Variants in GRID2 observed in about 807,000 individuals in gnomAD.
The protein encoded by GRID2 is glutamate receptor ionotropic, delta-2.
GRID2 carries 33 observed loss-of-function variants against 114.8 expected under a neutral mutation model. The ratio of observed to expected loss-of-function variants is 0.29; its 90% CI spans 0.22 to 0.38. GRID2 has a LOEUF of 0.38. Ranked by LOEUF, GRID2 falls within the 10% of genes least tolerant of loss-of-function variation. GRID2 has a pLI of 1.00. For missense variants in GRID2, 1,184 were observed against 1,257.7 expected, an observed-to-expected ratio of 0.94 and a Z score of 0.89; for synonymous variants, 505 against 449.9, an observed-to-expected ratio of 1.12 and a Z score of -1.55.
intron 3 of GRID2, among the ~76,000 whole-genome samples, chr4:93,093,736 C>T (rs1212027993): frequency 1.3e-5 from 2 of 151,926 alleles, no homozygotes; most frequent in Non-Finnish European, 2.9e-5. Context: ...AAGTCTGAGT[C>T]CCTCCCTTCC....
chr4:92,562,586 C>T (rs2149183469), intron 1 of GRID2, among the ~76,000 whole-genome samples: 1 of 152,124 alleles, frequency 6.6e-6, no homozygotes, highest in Admixed American at 6.6e-5. Context: ...TATGTAGAGC[C>T]CCCACACACA....
At chr4:92,613,611 G>C (rs1004264266) in intron 2 of GRID2, among the ~76,000 whole-genome samples, 1 of 151,326 alleles carries the variant, frequency 6.6e-6, no homozygotes, top group Non-Finnish European at 1.5e-5. Context: ...TTTTCTCATC[G>C]CTGAGTGAGT....
intron 2 of GRID2, among the ~76,000 whole-genome samples, chr4:92,865,916 A>G (rs539859457): frequency 3.9e-5 from 6 of 152,362 alleles, no homozygotes; most frequent in Admixed American, 2.0e-4. Flanking sequence ...ATCATATACT[A>G]GTGATGAATT....
chr4:93,446,117 C>A (rs1231737618), intron 10 of GRID2, among the ~76,000 whole-genome samples: 2 of 151,980 alleles, frequency 1.3e-5, no homozygotes, highest in African/African-American at 4.8e-5. Context: ...CATAATATTT[C>A]ATTGCCAAGT....
At chr4:93,691,693 G>A (rs1007783828) in intron 14 of GRID2, among the ~76,000 whole-genome samples, 2 of 151,932 alleles carry the variant, frequency 1.3e-5, no homozygotes, top group Admixed American at 1.3e-4. Context: ...AAAGATGTGT[G>A]CTATTTCACA....
intron 2 of GRID2, among the ~76,000 whole-genome samples, chr4:93,074,650 G>T (rs1012418945): frequency 6.6e-6 from 1 of 152,098 alleles, no homozygotes; most frequent in Non-Finnish European, 1.5e-5. Flanking sequence ...GATCAGAGCC[G>T]AAATCAATGA....
rs139365996 is a variant in GRID2 at position 93,213,621 on chromosome 4, T to C, written c.790-3117T>C. On this transcript the variant is annotated intron_variant, in intron 5 of 15. Transcript: ENST00000282020. Reference sequence around the variant, plus strand: ...ATTCCTCTGAAATTGTTATTTTTAGTCTAAATTGGCATCTGATCCAATGGA... The same window carrying C: ...ATTCCTCTGAAATTGTTATTTTTAGCCTAAATTGGCATCTGATCCAATGGA... Among the ~76,000 whole-genome samples, 751 of 152,250 alleles carry C rather than the reference T, an allele frequency of 4.9e-3. 7 individuals carry two copies. Among genetic ancestry groups the C allele is most frequent in the African/African-American group, 0.017 (725 of 41,562 alleles).
rs538971008 is a variant in GRID2 at position 93,786,312 on chromosome 4, G to A, written c.221+16862G>A. ...TCCCAAGGAATATGGTGATGAAGGA[G>A]AGGTGAAGGCCAGGAAAGGAGCTCA... On this transcript the variant is annotated intron_variant, in intron 1 of 1. Transcript: ENST00000637838. Among the ~76,000 whole-genome samples, 35 of 152,290 alleles carry A rather than the reference G, an allele frequency of 2.3e-4. No homozygotes were observed. The South Asian group carries it at 6.6e-3, about 29-fold the overall frequency.
chr4:93,506,817 C>T (rs1450419410), intron 12 of GRID2, among the ~76,000 whole-genome samples: 1 of 152,066 alleles, frequency 6.6e-6, no homozygotes, highest in Non-Finnish European at 1.5e-5. Context: ...CCGTGCTGGC[C>T]TCAGACCTCA....
At chr4:93,495,032 A>G (rs530519678) in intron 12 of GRID2, among the ~76,000 whole-genome samples, 1 of 151,936 alleles carries the variant, frequency 6.6e-6, no homozygotes, top group East Asian at 1.9e-4. Flanking sequence ...TAATAACTTT[A>G]GAATCAAACT....
chr4:92,472,827 G>T (rs893891921), intron 1 of GRID2, among the ~76,000 whole-genome samples: 1 of 152,154 alleles, frequency 6.6e-6, no homozygotes, highest in South Asian at 2.1e-4. Flanking sequence ...AAACAATCCT[G>T]TTGTCGACTG....
intron 1 of GRID2, among the ~76,000 whole-genome samples, chr4:92,533,434 A>T (rs1245005660): frequency 6.8e-6 from 1 of 146,114 alleles, no homozygotes; most frequent in African/African-American, 2.6e-5. Flanking sequence ...CTTAATGCTC[A>T]AAGTACTAGG....
At chr4:93,744,457 C>A (rs2110263813) in intron 14 of GRID2, among the ~76,000 whole-genome samples, 1 of 152,180 alleles carries the variant, frequency 6.6e-6, no homozygotes, top group Non-Finnish European at 1.5e-5. Context: ...TCATGGATAA[C>A]TTTGAGGGAG....
At chr4:93,000,889 A>G (rs899555663) in intron 2 of GRID2, among the ~76,000 whole-genome samples, 2 of 151,614 alleles carry the variant, frequency 1.3e-5, no homozygotes. Flanking sequence ...TCCAAACCTC[A>G]GTAATACACA....
At chr4:93,055,160 C>A (rs1486367474) in intron 2 of GRID2, among the ~76,000 whole-genome samples, 2 of 151,684 alleles carry the variant, frequency 1.3e-5, no homozygotes, top group Non-Finnish European at 1.5e-5. Flanking sequence ...TTCATAGTAT[C>A]TTTTGTTCCT....
chr4:92,652,281 C>G (rs1731979808), intron 2 of GRID2, among the ~76,000 whole-genome samples: 1 of 152,034 alleles, frequency 6.6e-6, no homozygotes, highest in Non-Finnish European at 1.5e-5. Flanking sequence ...TCCAGAAACT[C>G]CCATATATTC....
At chr4:93,463,878 A>G (rs955543865) in intron 11 of GRID2, among the ~76,000 whole-genome samples, 3 of 152,000 alleles carry the variant, frequency 2.0e-5, no homozygotes, top group Non-Finnish European at 4.4e-5. Flanking sequence ...AGTCCCAGCT[A>G]CTCGGGAGGC....
intron 1 of GRID2, among the ~76,000 whole-genome samples, chr4:92,363,165 GAAGTA>G (rs1216063851): frequency 6.6e-6 from 1 of 152,086 alleles, no homozygotes; most frequent in Non-Finnish European, 1.5e-5. Context: ...GCTGACTAGT[GAAGTA>G]GAGTATTAGA....
chr4:92,563,538 T>C (rs2149184389), intron 1 of GRID2, among the ~76,000 whole-genome samples: 1 of 152,208 alleles, frequency 6.6e-6, no homozygotes, highest in South Asian at 2.1e-4. Context: ...TAGTTCTAAT[T>C]TTACCACACT....
Sources: gnomAD v4.1 joint callset for allele counts (sites outside exome capture counted in the v4.1 genomes callset) on GRCh38, gnomAD v4.1.1 for gene constraint, MANE v1.5 for transcripts, NCBI Gene and HGNC (gene_info 2026-07-23, HGNC 2026-07-21) for gene names.